Variants in NCOA7 observed in about 807,000 individuals in gnomAD.
The protein encoded by NCOA7 is 140 kDa estrogen receptor-associated protein.
NCOA7 carries 45 observed loss-of-function variants against 104.3 expected under a neutral mutation model. That is an observed-to-expected ratio of 0.43 (90% confidence interval 0.34 to 0.55). The LOEUF (loss-of-function observed/expected upper bound fraction) is 0.55. Among genes scored for constraint, NCOA7 ranks in the 20% least tolerant of loss-of-function variants. NCOA7 has a pLI of 0.02. For missense variants in NCOA7, 1,041 were observed against 1,119.7 expected, an observed-to-expected ratio of 0.93 and a Z score of 1.00; for synonymous variants, 398 against 402.3, an observed-to-expected ratio of 0.99 and a Z score of 0.13.
At chr6:125,905,232 A>C (rs1258022175) in intron 10 of NCOA7, among the ~76,000 whole-genome samples, 1 of 150,424 alleles carries the variant, frequency 6.6e-6, no homozygotes, top group Non-Finnish European at 1.5e-5. Flanking sequence ...GCTTCACTAG[A>C]GTGGTGAGGG....
At chr6:125,900,675 C>A (rs940384074) in intron 10 of NCOA7, among the ~76,000 whole-genome samples, 1 of 151,854 alleles carries the variant, frequency 6.6e-6, no homozygotes, top group Admixed American at 6.6e-5. Flanking sequence ...TAAGAACACT[C>A]GTTAGCAAAA....
chr6:125,892,856 C>T (rs781517398), intron 10 of NCOA7, among the ~76,000 whole-genome samples: 5 of 152,158 alleles, frequency 3.3e-5, no homozygotes, highest in African/African-American at 4.8e-5. Context: ...TATTACACTG[C>T]GTTAATGACA....
intron 1 of NCOA7, among the ~76,000 whole-genome samples, chr6:125,792,674 T>A (rs1451779921): frequency 1.3e-5 from 2 of 152,134 alleles, no homozygotes. Flanking sequence ...TGTTTTCTCC[T>A]CGGTATAGAA....
At chr6:125,832,823 T>A (rs1159253322) in intron 2 of NCOA7, among the ~76,000 whole-genome samples, 1 of 152,214 alleles carries the variant, frequency 6.6e-6, no homozygotes, top group African/African-American at 2.4e-5. Context: ...GAGGAACCGC[T>A]GGATCTCTCA....
chr6:125,797,451 TG>T (rs1251193968), intron 1 of NCOA7, among the ~76,000 whole-genome samples: 1 of 152,232 alleles, frequency 6.6e-6, no homozygotes, highest in Non-Finnish European at 1.5e-5. Flanking sequence ...TTCTGACTAG[TG>T]GGTTATTCTT....
Position 125,794,329 on chromosome 6 carries a change from T to C in NCOA7, c.-65+3262T>C, listed in dbSNP as rs551724618. Among the ~76,000 whole-genome samples the C allele has an allele frequency of 7.2e-5, 11 of 152,302 alleles. No homozygotes were observed. The South Asian group carries it at 2.1e-3, about 29-fold the overall frequency. ...ATCATGCAAAATGAGAATCAAATCA[T>C]TGATTATATTTCCCTTTCTAACTTG... On this transcript the variant is annotated intron_variant, in intron 1 of 15. Coordinates refer to ENST00000392477, the MANE Select transcript of NCOA7 (RefSeq NM_181782.5).
upstream of NCOA7, among the ~76,000 whole-genome samples, chr6:125,790,511 G>C (rs1190409199): frequency 6.6e-6 from 1 of 152,142 alleles, no homozygotes; most frequent in Non-Finnish European, 1.5e-5. Context: ...CCGGGATCGC[G>C]GCAGCGGAGG....
chr6:125,913,780 C>A, intron 10 of NCOA7: 1 of 430,464 alleles, frequency 2.3e-6, no homozygotes, highest in Non-Finnish European at 3.1e-6. Context: ...TATTAATGTC[C>A]ACCTTACATA....
chr6:125,888,739 G>T (rs1784423089), intron 8 of NCOA7, among the ~76,000 whole-genome samples, 200 bp from the exon 9 acceptor site: 1 of 151,976 alleles, frequency 6.6e-6, no homozygotes, highest in Non-Finnish European at 1.5e-5. Context: ...ATTTCCTTTA[G>T]TTGACCTATG....
intron 10 of NCOA7, among the ~76,000 whole-genome samples, chr6:125,894,083 G>A (rs1222997086): frequency 6.7e-6 from 1 of 148,866 alleles, no homozygotes; most frequent in Non-Finnish European, 1.5e-5. Flanking sequence ...TAAGGACAAT[G>A]TTCCACCATA....
intron 3 of NCOA7, among the ~76,000 whole-genome samples, chr6:125,867,714 A>C (rs1782553263): frequency 6.6e-6 from 1 of 152,198 alleles, no homozygotes; most frequent in African/African-American, 2.4e-5. Context: ...TCTATGTTGT[A>C]ATTTAGTGCA....
At chr6:125,840,867 G>GTTTTTTTTT (rs1305583308) in intron 2 of NCOA7, among the ~76,000 whole-genome samples, 26 of 50,670 alleles carry the variant, frequency 5.1e-4, no homozygotes, top group Non-Finnish European at 7.3e-4. Flanking sequence ...TTGTTTGGTT[G>GTTTTTTTTT]GTTTTTTTTT....
intron 6 of NCOA7, among the ~76,000 whole-genome samples, chr6:125,882,001 C>T (rs1010036348): frequency 6.6e-6 from 1 of 151,988 alleles, no homozygotes; most frequent in Non-Finnish European, 1.5e-5. Context: ...TTACAGGCAC[C>T]GGCCACTATG....
At chr6:125,831,372 G>A (rs990710069) in intron 2 of NCOA7, among the ~76,000 whole-genome samples, 1 of 152,024 alleles carries the variant, frequency 6.6e-6, no homozygotes, top group Non-Finnish European at 1.5e-5. Context: ...TTTATCTTCA[G>A]GTAATCACAA....
intron 8 of NCOA7, among the ~76,000 whole-genome samples, chr6:125,888,093 A>G (rs545517322): frequency 6.6e-6 from 1 of 152,258 alleles, no homozygotes; most frequent in Admixed American, 6.5e-5. Context: ...ATTTTCATGT[A>G]ATTCCGATCT....
At chr6:125,899,534 A>T (rs1420291087) in intron 10 of NCOA7, among the ~76,000 whole-genome samples, 2 of 152,222 alleles carry the variant, frequency 1.3e-5, no homozygotes, top group Non-Finnish European at 2.9e-5. Flanking sequence ...CTGTAATTTT[A>T]TGATGATTCT....
At chr6:125,813,650 A>G (rs914390068) in intron 1 of NCOA7, among the ~76,000 whole-genome samples, 7 of 151,442 alleles carry the variant, frequency 4.6e-5, no homozygotes, top group East Asian at 1.9e-4. Context: ...GGGTTTCACT[A>G]TGTTGGCCAG....
intron 13 of NCOA7, among the ~76,000 whole-genome samples, chr6:125,927,288 T>C (rs575070315): frequency 1.3e-5 from 2 of 152,360 alleles, no homozygotes; most frequent in South Asian, 4.1e-4. Context: ...CTCATTTCTG[T>C]GAGCAAGATG....
intron 10 of NCOA7, among the ~76,000 whole-genome samples, chr6:125,908,347 G>A (rs1001641120): frequency 6.6e-6 from 1 of 152,154 alleles, no homozygotes; most frequent in Non-Finnish European, 1.5e-5. Flanking sequence ...GTGGCAGGGG[G>A]CTTGATCTAA....
Sources: allele counts gnomAD v4.1 joint callset (sites outside exome capture counted in the v4.1 genomes callset), GRCh38; gene constraint gnomAD v4.1.1; transcripts MANE v1.5; gene names NCBI Gene and HGNC (gene_info 2026-07-23, HGNC 2026-07-21).